Variants in CPE observed in about 807,000 individuals in gnomAD.
CPE encodes the protein carboxypeptidase E, also known as carbocypeptidase E.
Under a neutral mutation model 53.5 loss-of-function variants are expected in CPE, and 17 were observed. The observed-to-expected ratio is 0.32, with a 90% CI of 0.22 to 0.48. CPE has a LOEUF of 0.48. Among genes scored for constraint, CPE ranks in the 20% least tolerant of loss-of-function variants. CPE has a pLI of 0.99. For synonymous variants in CPE, 226 were observed against 228.8 expected (o/e 0.99, Z 0.11); for missense variants, 524 against 614.7 (o/e 0.85, Z 1.56).
At chr4:165,411,227 G>GT (rs1349127378) in intron 1 of CPE, among the ~76,000 whole-genome samples, 1 of 152,144 alleles carries the variant, frequency 6.6e-6, no homozygotes, top group East Asian at 1.9e-4. Flanking sequence ...GGAAAGGGAG[G>GT]TTTTTTAGTC....
intron 1 of CPE, among the ~76,000 whole-genome samples, chr4:165,384,168 C>T (rs1730548780): frequency 6.6e-6 from 1 of 152,130 alleles, no homozygotes; most frequent in South Asian, 2.1e-4. Context: ...ATTAACCCAG[C>T]TTTTCTCAAA....
At chr4:165,428,446 G>A (rs887287538) in intron 1 of CPE, among the ~76,000 whole-genome samples, 2 of 152,016 alleles carry the variant, frequency 1.3e-5, no homozygotes, top group African/African-American at 4.8e-5. Flanking sequence ...TTACTGTAAT[G>A]GGAGATAATT....
At position 165,484,540 on chromosome 4, in the gene CPE, T is replaced by C. The variant is rs1732472286; in HGVS notation, c.909T>C (p.Asn303=). 6.2e-7 allele frequency: 1 copy of C among 1,614,154 alleles called. No individual in the cohort carries two copies. Among genetic ancestry groups the C allele is most frequent in the South Asian group, 1.1e-5 (1 of 91,080 alleles). ...SDPNRPPCRK[N]DDDSSFVDGT... is the part of the protein sequence containing the mutation. ...CCAATCGGCCACCATGTCGCAAGAA[T>C]GATGATGACAGCAGCTTTGTAGATG... is the stretch of plus-strand genomic sequence containing the variant. Residue 303 remains asparagine (N), a synonymous_variant, in exon 5 of 9, where the codon AAT becomes AAC. Coordinates refer to ENST00000402744, the MANE Select transcript of CPE (RefSeq NM_001873.4).
chr4:165,425,437 G>C (rs1408794798), intron 1 of CPE, among the ~76,000 whole-genome samples: 1 of 151,914 alleles, frequency 6.6e-6, no homozygotes, highest in Non-Finnish European at 1.5e-5. Flanking sequence ...CAATATTTTG[G>C]ACCAATATTT....
chr4:165,407,431 C>T (rs1239288836), intron 1 of CPE, among the ~76,000 whole-genome samples: 2 of 151,152 alleles, frequency 1.3e-5, no homozygotes, highest in African/African-American at 2.4e-5. Context: ...AGATGGGGTC[C>T]GGCTATGTTG....
chr4:165,480,577 C>T (rs1732387556), intron 3 of CPE, among the ~76,000 whole-genome samples: 3 of 152,228 alleles, frequency 2.0e-5, no homozygotes, highest in African/African-American at 7.2e-5. Flanking sequence ...TGTTCCCTAA[C>T]TTCTCTACAT....
At chr4:165,484,917 A>C (rs1426871989) in intron 5 of CPE, among the ~76,000 whole-genome samples, 1 of 152,204 alleles carries the variant, frequency 6.6e-6, no homozygotes, top group Non-Finnish European at 1.5e-5. Flanking sequence ...GCCTTAGGGA[A>C]TAAGATGGCA....
chr4:165,428,078 G>T (rs536601440), intron 1 of CPE, among the ~76,000 whole-genome samples: 19 of 151,958 alleles, frequency 1.3e-4, no homozygotes, highest in Admixed American at 9.8e-4. Context: ...CACCCAGTCT[G>T]CAGTGGAGTT....
intron 1 of CPE, among the ~76,000 whole-genome samples, chr4:165,427,478 A>G (rs1334992373): frequency 3.9e-5 from 6 of 152,304 alleles, no homozygotes; most frequent in Non-Finnish European, 7.3e-5. Context: ...GGTAATATCA[A>G]TGGTTGTATA....
chr4:165,441,060 A>G (rs777296646), intron 1 of CPE, among the ~76,000 whole-genome samples: 1 of 152,164 alleles, frequency 6.6e-6, no homozygotes, highest in Non-Finnish European at 1.5e-5. Context: ...GCAGGTGCTG[A>G]GTTAGATCTT....
Position 165,379,453 on chromosome 4 carries a change from A to T in CPE, c.232A>T (p.Thr78Ser). The change falls in exon 1 of 9, where the codon ACG becomes TCG. Residue 78 changes from threonine to serine, a missense_variant. By Grantham distance (58) the Thr-to-Ser change is moderately conservative. Transcript: ENST00000402744. This position sits in a 1 kb window ranked among gnomAD's most constrained non-coding sequence, Gnocchi z 6.0. ...LQCTAISRIYTVGRSFEGREL... is the reference protein window; with the variant it reads ...LQCTAISRIYSVGRSFEGREL... ...GTGCACCGCCATCAGCAGGATTTACACGGTGGGGCGCAGCTTCGAGGGCCG... is the reference window on the plus strand; with the variant it reads ...GTGCACCGCCATCAGCAGGATTTACTCGGTGGGGCGCAGCTTCGAGGGCCG... 3 of 1,608,684 alleles carry T rather than the reference A, an allele frequency of 1.9e-6. No homozygotes were observed. The highest frequency in any genetic ancestry group is 2.5e-6 in the Non-Finnish European group (3 of 1,177,498).
chr4:165,402,618 C>T (rs758017453), intron 1 of CPE, among the ~76,000 whole-genome samples: 2 of 152,216 alleles, frequency 1.3e-5, no homozygotes, highest in Non-Finnish European at 2.9e-5. Flanking sequence ...CGTGCATGCT[C>T]CTGCTTCTAC....
intron 1 of CPE, among the ~76,000 whole-genome samples, chr4:165,423,412 A>G (rs1731261244): frequency 6.6e-6 from 1 of 151,810 alleles, no homozygotes; most frequent in South Asian, 2.1e-4. Context: ...CCTCTTTTCA[A>G]AGTTTTATTA....
intron 1 of CPE, among the ~76,000 whole-genome samples, chr4:165,459,675 G>T (rs1012947485): frequency 6.1e-5 from 5 of 81,640 alleles, no homozygotes; most frequent in African/African-American, 3.3e-4. Flanking sequence ...AGGGCTGGGT[G>T]GGGGGGGGCG....
intron 1 of CPE, among the ~76,000 whole-genome samples, chr4:165,417,366 A>T (rs1731142648): frequency 6.6e-6 from 1 of 152,214 alleles, no homozygotes. Context: ...TTCATTATAG[A>T]GCAGTTTCTA....
intron 3 of CPE, among the ~76,000 whole-genome samples, chr4:165,480,768 G>C (rs182135607): frequency 6.6e-6 from 1 of 151,938 alleles, no homozygotes; most frequent in Admixed American, 6.6e-5. Context: ...CATTTTAGAA[G>C]GGTATTTAAT....
At chr4:165,490,629 CAAAAAAAAAAAAA>C (rs36034365) in intron 6 of CPE, among the ~76,000 whole-genome samples, 4 of 41,006 alleles carry the variant, frequency 9.8e-5, no homozygotes, top group Admixed American at 2.5e-4. Context: ...GACTCCGTCT[CAAAAAAAAAAAAA>C]AAAAAAAAAA....
At chr4:165,490,709 G>A (rs1442273497) in intron 6 of CPE, among the ~76,000 whole-genome samples, 1 of 150,418 alleles carries the variant, frequency 6.6e-6, no homozygotes, top group Non-Finnish European at 1.5e-5. Context: ...TTAAAAATGA[G>A]TTTCCTCTCC....
At chr4:165,459,458 T>C (rs999902243) in intron 1 of CPE, among the ~76,000 whole-genome samples, 2 of 152,036 alleles carry the variant, frequency 1.3e-5, no homozygotes, top group East Asian at 1.9e-4. Context: ...TTGTGTGCCA[T>C]GTGAAGTAAC....
Sources: gnomAD v4.1 joint callset for allele counts (sites outside exome capture counted in the v4.1 genomes callset) on GRCh38, gnomAD v4.1.1 for gene constraint, Gnocchi (gnomAD v3.1) non-coding constraint, MANE v1.5 for transcripts, NCBI Gene and HGNC (gene_info 2026-07-23, HGNC 2026-07-21) for gene names.